Variants in PPFIA4 observed in about 807,000 individuals in gnomAD.
PPFIA4 encodes liprin-alpha-4.
In PPFIA4, 98 loss-of-function variants were observed where a neutral mutation model predicts 145.7. The observed-to-expected ratio is 0.67, with a 90% CI of 0.57 to 0.80. The LOEUF is 0.80. PPFIA4 is among the 30% of genes least tolerant of loss of function. The pLI is 0.00. For missense variants in PPFIA4, 1,457 were observed against 1,632.7 expected, an observed-to-expected ratio of 0.89 and a Z score of 1.85; for synonymous variants, 628 against 649.6, an observed-to-expected ratio of 0.97 and a Z score of 0.51.
Position 203,055,454 on chromosome 1 carries a change from T to A in PPFIA4, c.1852T>A (p.Ser618Thr). Residue 618 changes from serine to threonine, a missense_variant, in exon 16 of 30, where the codon TCC becomes ACC. This residue lies in a region of PPFIA4 where 848 missense variants were observed against 1,046.7 expected (regional missense o/e 0.81). Coordinates refer to ENST00000295706, the MANE Select transcript of PPFIA4 (RefSeq NM_001304331.2). The surrounding 1 kb of genome is among the most constrained non-coding windows in gnomAD (Gnocchi z 4.8). ...EIRMIQEEKE[S>T]TELRAEEIET... ...CAGGATGATTCAGGAAGAGAAGGAG[T>A]CCACGGAGCTCCGCGCGGAGGAGAT... 6.2e-7 allele frequency: 1 copy of A among 1,613,418 alleles called. No homozygotes were observed. The highest frequency in any genetic ancestry group is 1.7e-5 in the Admixed American group (1 of 59,942).
chr1:203,034,713 CAGGCTGGAGG>C, intron 1 of PPFIA4: 1 of 456,666 alleles, frequency 2.2e-6, no homozygotes, highest in Non-Finnish European at 4.4e-6. Flanking sequence ...AGGCCTTCCC[CAGGCTGGAGG>C]AGGAGGACAG....
intron 25 of PPFIA4, among the ~76,000 whole-genome samples, chr1:203,066,062 C>A (rs995448421): frequency 2.0e-5 from 3 of 152,212 alleles, no homozygotes; most frequent in Non-Finnish European, 2.9e-5. Flanking sequence ...CTCACATTTG[C>A]TGGGTGCCTC....
At chr1:203,073,928 G>A (rs1662343089) in intron 28 of PPFIA4, among the ~76,000 whole-genome samples, 1 of 152,202 alleles carries the variant, frequency 6.6e-6, no homozygotes, top group African/African-American at 2.4e-5. Context: ...TAAAGAGCCA[G>A]CTGCCACCTA....
At chr1:203,073,551 A>T (rs777050940) in intron 28 of PPFIA4, among the ~76,000 whole-genome samples, 16 of 136,056 alleles carry the variant, frequency 1.2e-4, no homozygotes, top group South Asian at 2.3e-4. Context: ...CTTCCTGTCC[A>T]ACTGTCTAGC....
At chr1:203,027,419 G>C (rs1417865735) in intron 1 of PPFIA4, among the ~76,000 whole-genome samples, 2 of 152,218 alleles carry the variant, frequency 1.3e-5, no homozygotes, top group Non-Finnish European at 2.9e-5. Flanking sequence ...TCTTCGAGAA[G>C]GAGGAGGGAT....
intron 1 of PPFIA4, among the ~76,000 whole-genome samples, chr1:203,031,492 C>G (rs1658826173): frequency 6.6e-6 from 1 of 151,866 alleles, no homozygotes; most frequent in Non-Finnish European, 1.5e-5. Flanking sequence ...CCCGCCACTT[C>G]TGTGACCACA....
Position 203,068,615 on chromosome 1 carries a change from C to A in PPFIA4, c.3311C>A (p.Thr1104Lys). 2 of 1,540,366 alleles carry A rather than the reference C, an allele frequency of 1.3e-6. No homozygotes were observed. Among genetic ancestry groups the A allele is most frequent in the East Asian group, 2.5e-5 (1 of 40,450 alleles). Residue 1104 changes from threonine to lysine, a missense_variant, in exon 27 of 30, where the codon ACA becomes AAA. By Grantham distance (78) the Thr-to-Lys change is moderately conservative. Coordinates refer to ENST00000295706, the MANE Select transcript of PPFIA4 (RefSeq NM_001304331.2). The surrounding 1 kb of genome is among the most constrained non-coding windows in gnomAD (Gnocchi z 4.7). ...NTLALILQIP[T>K]QNTQARQVME... is the part of the protein sequence containing the mutation. ...CTGGCCCTGATCCTCCAGATCCCCACACAGAACACCCAGGTGGGCAGCCTT... is the reference window on the plus strand; with the variant it reads ...CTGGCCCTGATCCTCCAGATCCCCAAACAGAACACCCAGGTGGGCAGCCTT...
chr1:203,060,105 T>C lies in PPFIA4; in HGVS notation c.2584-112T>C, dbSNP rs1038543758. 7.0e-6 allele frequency: 7 copies of C among 998,606 alleles called. No homozygotes were observed. Among genetic ancestry groups the C allele is most frequent in the Non-Finnish European group, 1.1e-5 (7 of 662,822 alleles). 61.9% of individuals were successfully genotyped at this position (998,606 alleles called of 1,614,324 possible). On this transcript the variant is annotated intron_variant, in intron 21 of 29. Transcript: ENST00000295706. The surrounding 1 kb of genome is among the most constrained non-coding windows in gnomAD (Gnocchi z 4.8). ...ATGACCGCCACATTCCTATGATCTG[T>C]ATTTGCTATTCGAGTCCGTGGATGA... is the stretch of plus-strand genomic sequence containing the variant.
chr1:203,066,994 G>A (rs1053461961), intron 25 of PPFIA4, among the ~76,000 whole-genome samples: 2 of 152,206 alleles, frequency 1.3e-5, no homozygotes, highest in Admixed American at 6.5e-5. Flanking sequence ...GGCTAGGGGT[G>A]GTGATGGTGA....
chr1:203,032,487 A>G (rs1227123591), intron 1 of PPFIA4, among the ~76,000 whole-genome samples: 1 of 147,388 alleles, frequency 6.8e-6, no homozygotes, highest in African/African-American at 2.5e-5. Flanking sequence ...GGCTGGAGTA[A>G]GTAGTGTGAT....
intron 1 of PPFIA4, among the ~76,000 whole-genome samples, chr1:203,028,291 G>T (rs1048626473): frequency 6.6e-6 from 1 of 152,156 alleles, no homozygotes; most frequent in Non-Finnish European, 1.5e-5. Flanking sequence ...GGCTGGAGGG[G>T]CAGGGCATGG....
At position 203,038,826 on chromosome 1, in the gene PPFIA4, C is replaced by G. The variant is rs1040688268; in HGVS notation, c.-183C>G. 1.7e-5 allele frequency: 9 copies of G among 532,776 alleles called. No individual in the cohort carries two copies. Among genetic ancestry groups the G allele is most frequent in the Admixed American group, 3.5e-5 (1 of 28,204 alleles). 33.0% of individuals were successfully genotyped at this position (532,776 alleles called of 1,614,324 possible). A position where few individuals can be genotyped will look rare whatever the true frequency, so the allele number is the denominator to read the frequency against. On this transcript the variant is annotated 5_prime_UTR_variant, in exon 2 of 30. Transcript: ENST00000295706. ...CTTCTGGCTCAGTTCCACAGGGGCA[C>G]TCCAGACCCCAGGCCCCTTTCAGAG...
chr1:203,060,966 G>A lies in PPFIA4; in HGVS notation c.2785-4G>A. 1 of 1,613,894 alleles carries A rather than the reference G, an allele frequency of 6.2e-7. No individual in the cohort carries two copies. The highest frequency in any genetic ancestry group is 8.5e-7 in the Non-Finnish European group (1 of 1,179,792). On this transcript the variant is annotated splice_region_variant and splice_polypyrimidine_tract_variant and intron_variant, in intron 22 of 29. Transcript: ENST00000295706. This position sits in a 1 kb window ranked among gnomAD's most constrained non-coding sequence, Gnocchi z 4.8. ...GACCAGCTAGGTTTCCTCTCTGCCT[G>A]CAGTCTTCTGGGAATGTCTGGGTCA...
At chr1:203,054,600 CA>C (rs1660772692) in intron 15 of PPFIA4, among the ~76,000 whole-genome samples, 1 of 151,730 alleles carries the variant, frequency 6.6e-6, no homozygotes, top group Non-Finnish European at 1.5e-5. Flanking sequence ...TGGAGTGTAT[CA>C]GAGCTTTATA....
chr1:203,043,825 G>T lies in PPFIA4; in HGVS notation c.337-106G>T. The stretch of plus-strand genomic sequence containing the variant: ...AGTATTTCAGTGTTTTCACAGTGGG[G>T]TGGCTGTAACTCATGTCTGCTCGGG... On this transcript the variant is annotated intron_variant, in intron 3 of 29. Transcript: ENST00000295706. The surrounding 1 kb of genome is among the most constrained non-coding windows in gnomAD (Gnocchi z 4.4). The T allele has an allele frequency of 8.8e-7, 1 of 1,139,568 alleles. No homozygotes were observed. The highest frequency in any genetic ancestry group is 1.2e-6 in the Non-Finnish European group (1 of 816,234). The allele number at this position is 1,139,568 out of a possible 1,614,324, so 70.6% of individuals were successfully genotyped here. A position where few individuals can be genotyped will look rare whatever the true frequency, so the allele number is the denominator to read the frequency against.
intron 2 of PPFIA4, among the ~76,000 whole-genome samples, chr1:203,040,164 G>A (rs1177187988): frequency 6.6e-6 from 1 of 152,238 alleles, no homozygotes; most frequent in African/African-American, 2.4e-5. Flanking sequence ...CTGATAACCA[G>A]ACCCAGAGAG....
chr1:203,051,300 G>A (rs1660486296), intron 13 of PPFIA4: 1 of 987,030 alleles, frequency 1.0e-6, no homozygotes, highest in Non-Finnish European at 1.2e-6. Flanking sequence ...GGAGACCCGA[G>A]GAAAAGTGCT....
intron 9 of PPFIA4, among the ~76,000 whole-genome samples, chr1:203,046,757 G>A (rs1025310865): frequency 1.3e-5 from 2 of 151,912 alleles, no homozygotes; most frequent in East Asian, 1.9e-4. Flanking sequence ...CTCTGGAAAG[G>A]TGAAACCTTA....
Position 203,076,519 on chromosome 1 carries a change from T to TC in PPFIA4, c.*130dup. The TC allele has an allele frequency of 1.1e-6, 1 of 926,176 alleles. No homozygotes were observed. The highest frequency in any genetic ancestry group is 1.7e-6 in the Non-Finnish European group (1 of 587,422). 57.4% of individuals were successfully genotyped at this position (926,176 alleles called of 1,614,324 possible). ...CGTGACTTTCCGGTTGCCCTGGATC[T>TC]CAGAATATATTCGTCCACCCCCTCG... On this transcript the variant is annotated 3_prime_UTR_variant, in exon 30 of 30. Transcript: ENST00000295706.
Sources: gnomAD v4.1 joint callset for allele counts (sites outside exome capture counted in the v4.1 genomes callset) on GRCh38, gnomAD v4.1.1 for gene constraint, gnomAD v4.1.1 regional missense constraint, Gnocchi (gnomAD v3.1) non-coding constraint, MANE v1.5 for transcripts, NCBI Gene and HGNC (gene_info 2026-07-23, HGNC 2026-07-21) for gene names.